Variants in DPP6 observed in about 807,000 individuals in gnomAD.
DPP6 encodes the protein A-type potassium channel modulatory protein DPP6.
DPP6 carries 69 observed loss-of-function variants against 122.6 expected under a neutral mutation model. That is an observed-to-expected ratio of 0.56 (90% CI 0.46 to 0.69). The LOEUF is 0.69. Among genes scored for constraint, DPP6 ranks in the 30% least tolerant of loss-of-function variants. The pLI, the probability that DPP6 is intolerant of heterozygous loss-of-function variation, is 0.00. For missense variants in DPP6, 928 were observed against 1,116.9 expected (o/e 0.83, Z 2.41); for synonymous variants, 418 against 433.1 (o/e 0.97, Z 0.43).
Position 154,875,779 on chromosome 7 carries a change from G to A in DPP6, c.1884-127G>A, listed in dbSNP as rs1804795654. The A allele has an allele frequency of 7.4e-7, 1 of 1,342,858 alleles. No homozygotes were observed. The highest frequency in any genetic ancestry group is 2.5e-5 in the East Asian group (1 of 39,830). 83.2% of individuals were successfully genotyped at this position (1,342,858 alleles called of 1,614,324 possible). ...CCCGGGGCAACAGAATCTGGGGTATGGAGTTGAGCGTGTGGCAGCCGGGTC... is the reference window on the plus strand; with the variant it reads ...CCCGGGGCAACAGAATCTGGGGTATAGAGTTGAGCGTGTGGCAGCCGGGTC... On this transcript the variant is annotated intron_variant, in intron 19 of 25. Coordinates refer to ENST00000377770, the MANE Select transcript of DPP6 (RefSeq NM_130797.4). This position sits in a 1 kb window ranked among gnomAD's most constrained non-coding sequence, Gnocchi z 4.5.
At chr7:154,748,549 T>C (rs1350742778) in intron 8 of DPP6, among the ~76,000 whole-genome samples, 1 of 152,070 alleles carries the variant, frequency 6.6e-6, no homozygotes, top group African/African-American at 2.4e-5. Context: ...AATGAGATAA[T>C]AACTTAATGA....
intron 1 of DPP6, among the ~76,000 whole-genome samples, chr7:154,265,980 G>A (rs1326582633): frequency 6.6e-6 from 1 of 152,168 alleles, no homozygotes; most frequent in Non-Finnish European, 1.5e-5. Context: ...CACATGTGAG[G>A]TAAGCATCTG....
exon 1 of DPP6, chr7:153,887,475 A>G: frequency 2.0e-6 from 1 of 495,568 alleles, no homozygotes; most frequent in Non-Finnish European, 3.6e-6. Flanking sequence ...GCGGCCAAAA[A>G]GAGTTGATTG....
intron 1 of DPP6, among the ~76,000 whole-genome samples, chr7:154,264,480 A>T (rs1232800237): frequency 6.6e-6 from 1 of 151,822 alleles, no homozygotes; most frequent in Non-Finnish European, 1.5e-5. Context: ...GCCTATTTCC[A>T]CTTGAAAAAA....
chr7:154,441,196 A>C (rs544046861), intron 1 of DPP6, among the ~76,000 whole-genome samples: 1 of 152,290 alleles, frequency 6.6e-6, no homozygotes, highest in South Asian at 2.1e-4. Context: ...TCCCCTCATT[A>C]AAGCTCAGGA....
chr7:154,115,127 G>A (rs1318100012), intron 1 of DPP6, among the ~76,000 whole-genome samples: 2 of 152,206 alleles, frequency 1.3e-5, no homozygotes, highest in African/African-American at 4.8e-5. Flanking sequence ...CTGAGGGCAG[G>A]TTCCTGGCTG....
At chr7:153,987,269 T>A (rs569777112) in intron 1 of DPP6, among the ~76,000 whole-genome samples, 84 of 152,336 alleles carry the variant, frequency 5.5e-4, no homozygotes, top group South Asian at 2.9e-3. Flanking sequence ...ACTAAGCATA[T>A]ATACTGCTCC....
intron 1 of DPP6, among the ~76,000 whole-genome samples, chr7:154,004,002 G>A (rs1447917424): frequency 2.0e-5 from 3 of 152,192 alleles, no homozygotes; most frequent in African/African-American, 2.4e-5. Flanking sequence ...AATTGAGGCC[G>A]TTAGTGCAAT....
chr7:154,786,733 C>A lies in DPP6; in HGVS notation c.1137-7346C>A, dbSNP rs1409457940. ...TAGACTTCTGATAATTGTTCCTCTG[C>A]AAATCACCTTTTTTCTTTCCAAAAG... On this transcript the variant is annotated intron_variant, in intron 10 of 25. Coordinates refer to ENST00000377770, the MANE Select transcript of DPP6 (RefSeq NM_130797.4). Among the ~76,000 whole-genome samples the A allele has an allele frequency of 2.0e-5, 3 of 152,288 alleles. No individual in the cohort carries two copies. The East Asian group carries it at 5.8e-4, about 29-fold the overall frequency.
At chr7:153,964,509 G>A (rs1795536677) in intron 1 of DPP6, among the ~76,000 whole-genome samples, 1 of 152,140 alleles carries the variant, frequency 6.6e-6, no homozygotes, top group African/African-American at 2.4e-5. Context: ...GGATGCCAGT[G>A]TTTCCACCCT....
intron 16 of DPP6, among the ~76,000 whole-genome samples, chr7:154,851,782 CT>C (rs11331700): frequency 0.21 from 31,822 of 152,090 alleles, 3,811 homozygotes; most frequent in African/African-American, 0.34. Context: ...AATACTTATT[CT>C]TTATCTGAGC....
chr7:154,745,876 G>C (rs1843013673), intron 8 of DPP6, among the ~76,000 whole-genome samples: 1 of 151,142 alleles, frequency 6.6e-6, no homozygotes, highest in African/African-American at 2.4e-5. Flanking sequence ...CCTCCCACTA[G>C]ACCCCACCTC....
intron 1 of DPP6, among the ~76,000 whole-genome samples, chr7:154,310,610 A>C (rs150992379): frequency 5.3e-4 from 80 of 152,288 alleles, no homozygotes; most frequent in South Asian, 1.0e-3. Flanking sequence ...CAGCCCCCTC[A>C]TTCTCAATAC....
At chr7:154,160,109 C>CAAAAAT (rs1355672213) in intron 1 of DPP6, among the ~76,000 whole-genome samples, 20 of 151,510 alleles carry the variant, frequency 1.3e-4, no homozygotes, top group African/African-American at 4.4e-4. Flanking sequence ...GATCCTGTCT[C>CAAAAAT]AAAAATAAAA....
chr7:154,033,995 C>A (rs569002902), intron 1 of DPP6, among the ~76,000 whole-genome samples: 97 of 152,202 alleles, frequency 6.4e-4, no homozygotes, highest in Middle Eastern at 3.4e-3. Flanking sequence ...ATATCTCTGC[C>A]CTGGTGACAT....
intron 4 of DPP6, among the ~76,000 whole-genome samples, chr7:154,553,465 T>G (rs1288386166): frequency 2.0e-5 from 3 of 152,236 alleles, no homozygotes; most frequent in Admixed American, 6.5e-5. Context: ...AGTTGATATT[T>G]TGAGTGCTTA....
chr7:154,838,179 T>C (rs779414306), intron 16 of DPP6, among the ~76,000 whole-genome samples: 2 of 152,206 alleles, frequency 1.3e-5, no homozygotes, highest in African/African-American at 4.8e-5. Context: ...AATTCTTAAA[T>C]AATTCATGGA....
intron 1 of DPP6, among the ~76,000 whole-genome samples, chr7:154,012,036 A>G (rs1436675897): frequency 6.6e-6 from 1 of 152,218 alleles, no homozygotes; most frequent in African/African-American, 2.4e-5. Context: ...TTTTTTAATT[A>G]TAACAAAATG....
At chr7:153,827,173 T>A in the DPP6 span, among the ~76,000 whole-genome samples, 2 of 152,222 alleles carry the variant, frequency 1.3e-5, no homozygotes, top group Non-Finnish European at 2.9e-5. Flanking sequence ...GTAACTTTCT[T>A]AACTTTTAGA....
Sources: allele counts gnomAD v4.1 joint callset (sites outside exome capture counted in the v4.1 genomes callset), GRCh38; gene constraint gnomAD v4.1.1; non-coding constraint Gnocchi (gnomAD v3.1); transcripts MANE v1.5; gene names NCBI Gene and HGNC (gene_info 2026-07-23, HGNC 2026-07-21).